Variants in NCKAP5L observed in about 807,000 individuals in gnomAD.
NCKAP5L encodes NCK associated protein 5 like.
A neutral mutation model predicts 103.2 loss-of-function variants in NCKAP5L; 54 were observed. The ratio of observed to expected loss-of-function variants is 0.52; its 90% CI spans 0.42 to 0.66. The LOEUF (loss-of-function observed/expected upper bound fraction) is 0.66. NCKAP5L is among the 30% of genes least tolerant of loss of function. The pLI, the probability that NCKAP5L is intolerant of heterozygous loss-of-function variation, is 0.00. For synonymous variants in NCKAP5L, 762 were observed against 748.6 expected (o/e 1.02, Z -0.29); for missense variants, 1,733 against 1,750.6 (o/e 0.99, Z 0.18).
Position 49,793,881 on chromosome 12 carries a change from C to T in NCKAP5L, c.3111G>A (p.Glu1037=), listed in dbSNP as rs764214058. 27 of 1,554,690 alleles carry T rather than the reference C, an allele frequency of 1.7e-5. No individual in the cohort carries two copies. Among genetic ancestry groups the T allele is most frequent in the Non-Finnish European group, 2.2e-5 (25 of 1,151,236 alleles). ...QQLLNRVDGK[E]LPSKSWREPK... ...GCTCCCGCCAGCTCTTGGATGGCAG[C>T]TCCTTGCCATCCACCCTATGGGCAA... Residue 1037 remains glutamate, a synonymous_variant, in exon 9 of 13, where the codon GAG becomes GAA. Coordinates refer to ENST00000335999, the MANE Select transcript of NCKAP5L (RefSeq NM_001037806.4).
intron 1 of NCKAP5L, among the ~76,000 whole-genome samples, chr12:49,810,594 C>A (rs1257982983): frequency 1.3e-5 from 2 of 152,212 alleles, no homozygotes; most frequent in South Asian, 4.1e-4. Flanking sequence ...CTCTCATTCT[C>A]TCCTGAGTGT....
At chr12:49,810,110 C>T (rs539876987) in intron 1 of NCKAP5L, among the ~76,000 whole-genome samples, 1 of 151,336 alleles carries the variant, frequency 6.6e-6, no homozygotes, top group South Asian at 2.1e-4. Context: ...CCTCATCTCC[C>T]CTCCCTCAGA....
chr12:49,797,497 G>T lies in NCKAP5L; in HGVS notation c.466-103C>A. 3.5e-6 allele frequency: 3 copies of T among 853,264 alleles called. No homozygotes were observed. Among genetic ancestry groups the T allele is most frequent in the Non-Finnish European group, 1.8e-6 (1 of 558,732 alleles). 52.9% of individuals were successfully genotyped at this position (853,264 alleles called of 1,614,324 possible). On this transcript the variant is annotated intron_variant, in intron 7 of 12. Coordinates refer to ENST00000335999, the MANE Select transcript of NCKAP5L (RefSeq NM_001037806.4). This position sits in a 1 kb window ranked among gnomAD's most constrained non-coding sequence, Gnocchi z 4.5. The stretch of plus-strand genomic sequence containing the variant: ...CTTAACAGGGAATGCCAGGAACAGA[G>T]CTGGCCTGGTTGTGTCTGTGTCCCC...
chr12:49,792,851 G>A lies in NCKAP5L; in HGVS notation c.3476C>T (p.Pro1159Leu). The change falls in exon 11 of 13, where the codon CCC becomes CTC. Residue 1159 changes from proline to leucine, a missense_variant. Pro to Leu is a moderately conservative substitution (Grantham distance 98). Coordinates refer to ENST00000335999, the MANE Select transcript of NCKAP5L (RefSeq NM_001037806.4). This position sits in a 1 kb window ranked among gnomAD's most constrained non-coding sequence, Gnocchi z 4.5. ...PPRLDPPPGV[P>L]PARPPPLTKV... is the part of the protein sequence containing the mutation. ...GGTAAGGGGTGGGGGCCGAGCTGGG[G>A]GTACCCCAGGTGGGGGATCCAGCCG... The A allele has an allele frequency of 6.4e-7, 1 of 1,553,746 alleles. No individual in the cohort carries two copies. The highest frequency in any genetic ancestry group is 8.7e-7 in the Non-Finnish European group (1 of 1,154,992).
chr12:49,810,029 G>A (rs1276579762), intron 1 of NCKAP5L, among the ~76,000 whole-genome samples: 2 of 152,032 alleles, frequency 1.3e-5, no homozygotes, highest in African/African-American at 4.8e-5. Context: ...ATAGGTCCTC[G>A]GCCCTTCCAG....
At chr12:49,807,030 G>A (rs1946188083) in intron 1 of NCKAP5L, among the ~76,000 whole-genome samples, 1 of 152,118 alleles carries the variant, frequency 6.6e-6, no homozygotes, top group Non-Finnish European at 1.5e-5. Flanking sequence ...CGAGTCCCAG[G>A]GCCCTTACCC....
chr12:49,818,309 G>A (rs1946323002), intron 1 of NCKAP5L, among the ~76,000 whole-genome samples: 1 of 152,148 alleles, frequency 6.6e-6, no homozygotes, highest in African/African-American at 2.4e-5. Flanking sequence ...CTTCTGCAGA[G>A]CAAAGGAAAC....
At chr12:49,810,677 C>T (rs1946230356) in intron 1 of NCKAP5L, among the ~76,000 whole-genome samples, 1 of 152,210 alleles carries the variant, frequency 6.6e-6, no homozygotes, top group Non-Finnish European at 1.5e-5. Context: ...CAGGAGAAGC[C>T]AGCTTCCTTC....
intron 3 of NCKAP5L, among the ~76,000 whole-genome samples, chr12:49,803,511 G>T (rs1436025640): frequency 2.0e-5 from 3 of 152,088 alleles, no homozygotes; most frequent in Non-Finnish European, 2.9e-5. Flanking sequence ...AGGATGACAG[G>T]GTGTTAAGAA....
At position 49,793,448 on chromosome 12, in the gene NCKAP5L, G is replaced by A. The variant is rs772230120; in HGVS notation, c.3259-15C>T. 3.1e-6 allele frequency: 5 copies of A among 1,608,708 alleles called. No homozygotes were observed. Among genetic ancestry groups the A allele is most frequent in the South Asian group, 1.1e-5 (1 of 91,050 alleles). On this transcript the variant is annotated splice_polypyrimidine_tract_variant and intron_variant, in intron 9 of 12. Transcript: ENST00000335999. ...TCGCTGCTCGGCTGTGTGGGATACA[G>A]GAGACCTCATAGTCCACTCCTCCCC...
At chr12:49,807,641 A>T (rs1946195317) in intron 1 of NCKAP5L, among the ~76,000 whole-genome samples, 1 of 152,242 alleles carries the variant, frequency 6.6e-6, no homozygotes, top group Non-Finnish European at 1.5e-5. Flanking sequence ...CTGGAAAAAA[A>T]ATGAAAAATA....
chr12:49,812,966 C>T (rs1946257390), intron 1 of NCKAP5L, among the ~76,000 whole-genome samples: 1 of 152,136 alleles, frequency 6.6e-6, no homozygotes, highest in Non-Finnish European at 1.5e-5. Flanking sequence ...CTCCAGGCTT[C>T]TTATAATATC....
intron 6 of NCKAP5L, among the ~76,000 whole-genome samples, 166 bp from the exon 7 acceptor site, chr12:49,798,629 C>T (rs915409553): frequency 1.4e-4 from 21 of 152,204 alleles, no homozygotes; most frequent in Non-Finnish European, 3.1e-4. Flanking sequence ...GTAAGAGAAG[C>T]CTCAGGAGAC....
In NCKAP5L at chr12:49,792,563, G is replaced by A; in HGVS notation, c.3675C>T (p.Thr1225=). ...PDDPCEDPGP[T]PPVQLAKNWT... The stretch of plus-strand genomic sequence containing the variant: ...AGTTCTTGGCCAGCTGGACAGGAGG[G>A]GTGGGGCCTGGGTCTTCACAGGGAT... The change falls in exon 12 of 13, where the codon ACC becomes ACT. Residue 1225 remains threonine (T), a synonymous_variant. Transcript: ENST00000335999. The surrounding 1 kb of genome is among the most constrained non-coding windows in gnomAD (Gnocchi z 4.5). 1.2e-6 allele frequency: 2 copies of A among 1,613,884 alleles called. No individual in the cohort carries two copies. Among genetic ancestry groups the A allele is most frequent in the Admixed American group, 1.7e-5 (1 of 60,012 alleles).
At chr12:49,793,009 C>G (rs746021237) in intron 10 of NCKAP5L, 23 bp from the exon 11 acceptor site, 17 of 1,495,028 alleles carry the variant, frequency 1.1e-5, no homozygotes, top group African/African-American at 4.2e-5. Flanking sequence ...GGGGAGGGCC[C>G]GTTAAGAGTG....
chr12:49,793,848 A>G lies in NCKAP5L; in HGVS notation c.3144T>C (p.Pro1048=). Residue 1048 remains proline, a synonymous_variant, in exon 9 of 13, where the codon CCT becomes CCC. Transcript: ENST00000335999. ...ACACCGGCTGGAAATCCCCGTACTC[A>G]GGCTTGGGCTCCCGCCAGCTCTTGG... The part of the protein sequence containing the change: ...LPSKSWREPK[P]EYGDFQPVSS... 1 of 1,579,116 alleles carries G rather than the reference A, an allele frequency of 6.3e-7. No individual in the cohort carries two copies. Among genetic ancestry groups the G allele is most frequent in the Non-Finnish European group, 8.6e-7 (1 of 1,163,030 alleles).
intron 6 of NCKAP5L, among the ~76,000 whole-genome samples, chr12:49,799,613 G>A (rs564505461): frequency 1.3e-5 from 2 of 152,118 alleles, no homozygotes; most frequent in East Asian, 1.9e-4. Context: ...TACCGCGCTC[G>A]GCCTCATTTT....
rs565670844 is a variant in NCKAP5L at position 49,792,011 on chromosome 12, C to A, written c.3833G>T (p.Arg1278Leu). 2 of 1,572,760 alleles carry A rather than the reference C, an allele frequency of 1.3e-6. No homozygotes were observed. The highest frequency in any genetic ancestry group is 1.7e-6 in the Non-Finnish European group (2 of 1,160,432). Residue 1278 changes from arginine to leucine, a missense_variant, in exon 13 of 13, where the codon CGC becomes CTC. Transcript: ENST00000335999. The surrounding 1 kb of genome is among the most constrained non-coding windows in gnomAD (Gnocchi z 4.5). ...VDRKRSQEPS[R>L]PSPTPQGPPF... ...TGGGCCCTGGGGCGTAGGGGACGGG[C>A]GGCTGGGCTCCTGGCTTCGCTTCCG...
chr12:49,808,073 T>A (rs188921334), intron 1 of NCKAP5L, among the ~76,000 whole-genome samples: 1 of 152,342 alleles, frequency 6.6e-6, no homozygotes. Flanking sequence ...CTGTGAGGAC[T>A]GGCTGCGGAC....
Sources: gnomAD v4.1 joint callset for allele counts (sites outside exome capture counted in the v4.1 genomes callset) on GRCh38, gnomAD v4.1.1 for gene constraint, Gnocchi (gnomAD v3.1) non-coding constraint, MANE v1.5 for transcripts, NCBI Gene and HGNC (gene_info 2026-07-23, HGNC 2026-07-21) for gene names.